The following VRK2 variants were observed in gnomAD, a reference collection of about 807,000 sequenced individuals.
VRK2 encodes serine/threonine-protein kinase VRK2.
VRK2 carries 60 observed loss-of-function variants against 57.6 expected under a neutral mutation model. That is an observed-to-expected ratio of 1.04 (90% CI 0.85 to 1.29). VRK2 has a LOEUF of 1.29. Ranked by LOEUF, VRK2 falls within the 50% of genes most tolerant of loss-of-function variation. The probability of loss-of-function intolerance (pLI) is 0.00; values close to 1 mark genes in which losing one functional copy is unlikely to be tolerated. For missense variants in VRK2, 705 were observed against 588.1 expected, an observed-to-expected ratio of 1.20 and a Z score of -2.06; for synonymous variants, 231 against 199.2, an observed-to-expected ratio of 1.16 and a Z score of -1.35.
intron 1 of VRK2, among the ~76,000 whole-genome samples, chr2:58,002,691 G>T (rs1484286934): frequency 6.6e-6 from 1 of 152,168 alleles, no homozygotes; most frequent in Non-Finnish European, 1.5e-5. Flanking sequence ...CGAGGGAAAA[G>T]AATTGGTCCA....
chr2:58,144,599 G>A (rs1341504209), intron 11 of VRK2, among the ~76,000 whole-genome samples: 1 of 151,968 alleles, frequency 6.6e-6, no homozygotes. Flanking sequence ...GTAAGCCAAT[G>A]TTTTAATAGG....
At chr2:58,051,478 T>C (rs1675736248) in intron 2 of VRK2, among the ~76,000 whole-genome samples, 1 of 152,214 alleles carries the variant, frequency 6.6e-6, no homozygotes, top group Non-Finnish European at 1.5e-5. Flanking sequence ...CAAATCAATA[T>C]GAAATTACAT....
intron 10 of VRK2, among the ~76,000 whole-genome samples, chr2:58,135,542 CCT>C (rs1443031535): frequency 6.7e-6 from 1 of 149,362 alleles, no homozygotes; most frequent in Non-Finnish European, 1.5e-5. Flanking sequence ...TGGTTTTGTT[CCT>C]CTATATATTG....
intron 1 of VRK2, among the ~76,000 whole-genome samples, chr2:58,002,853 T>G (rs750115239): frequency 1.1e-4 from 16 of 152,216 alleles, no homozygotes; most frequent in Non-Finnish European, 1.5e-4. Flanking sequence ...ATGCTTCATT[T>G]TGTGTTTGGA....
chr2:58,006,830 C>T (rs187851656), intron 1 of VRK2, among the ~76,000 whole-genome samples: 294 of 152,140 alleles, frequency 1.9e-3, no homozygotes, highest in Non-Finnish European at 3.4e-3. Flanking sequence ...TTGACCTTTA[C>T]GGACAGAAAA....
chr2:58,088,201 G>T, intron 5 of VRK2, 140 bp from the exon 6 acceptor site: 2 of 636,614 alleles, frequency 3.1e-6, no homozygotes, highest in East Asian at 2.6e-5. Context: ...AATTATGAAC[G>T]TGCATTCATT....
intron 2 of VRK2, among the ~76,000 whole-genome samples, chr2:58,027,569 G>A (rs1007040816): frequency 7.2e-5 from 11 of 152,140 alleles, no homozygotes; most frequent in African/African-American, 2.7e-4. Flanking sequence ...GGGCTTGGTG[G>A]ATTGGTGGAA....
chr2:58,103,903 A>G (rs375530803), intron 7 of VRK2, among the ~76,000 whole-genome samples: 1 of 151,894 alleles, frequency 6.6e-6, no homozygotes, highest in Non-Finnish European at 1.5e-5. Context: ...ACCATGATCA[A>G]ATAGGTTTCA....
chr2:58,041,203 T>C, intron 3 of VRK2: 1 of 295,956 alleles, frequency 3.4e-6, no homozygotes, highest in Non-Finnish European at 5.0e-6. Flanking sequence ...TACATTCAAT[T>C]GTTTGAGAGA....
intron 1 of VRK2, among the ~76,000 whole-genome samples, chr2:57,974,397 T>C (rs1467946111): frequency 1.3e-5 from 2 of 151,898 alleles, no homozygotes; most frequent in Non-Finnish European, 2.9e-5. Context: ...ACTTTTAAAG[T>C]ATATATGGGA....
chr2:57,950,355 T>A (rs1386058398), intron 1 of VRK2, among the ~76,000 whole-genome samples: 1 of 152,218 alleles, frequency 6.6e-6, no homozygotes, highest in Non-Finnish European at 1.5e-5. Context: ...TCAGAGCCAA[T>A]GCTCACTTAC....
At chr2:58,144,428 A>G (rs1681810215) in intron 11 of VRK2, among the ~76,000 whole-genome samples, 1 of 152,000 alleles carries the variant, frequency 6.6e-6, no homozygotes, top group Non-Finnish European at 1.5e-5. Context: ...ACGTGAGGTG[A>G]TGTGTTAATA....
intron 1 of VRK2, among the ~76,000 whole-genome samples, chr2:57,961,824 C>T (rs972977696): frequency 1.3e-5 from 2 of 152,270 alleles, no homozygotes; most frequent in South Asian, 2.1e-4. Flanking sequence ...CGCCTCTAAT[C>T]CCAGCAGTTT....
intron 12 of VRK2, among the ~76,000 whole-genome samples, chr2:58,149,996 CT>C (rs55783668): frequency 0.58 from 63,205 of 108,186 alleles, 15,009 homozygotes; most frequent in African/African-American, 0.61. Flanking sequence ...TTTTTCTTTT[CT>C]TTTTTTTTTT....
At chr2:58,040,409 T>G (rs908873197) in intron 3 of VRK2, among the ~76,000 whole-genome samples, 1 of 152,200 alleles carries the variant, frequency 6.6e-6, no homozygotes, top group East Asian at 1.9e-4. Flanking sequence ...TATCTTTCAC[T>G]TGTCGTGTCC....
intron 1 of VRK2, among the ~76,000 whole-genome samples, chr2:57,953,172 C>T (rs1466835463): frequency 6.6e-6 from 1 of 152,198 alleles, no homozygotes; most frequent in Admixed American, 6.5e-5. Context: ...TACATATTTA[C>T]TTTCCCATCT....
At chr2:58,031,038 C>G (rs1558549612) in intron 2 of VRK2, among the ~76,000 whole-genome samples, 1 of 152,162 alleles carries the variant, frequency 6.6e-6, no homozygotes, top group East Asian at 1.9e-4. Context: ...AGCATGCACA[C>G]CTTCTCAAAG....
chr2:58,018,186 T>G (rs982422346), intron 1 of VRK2: 1 of 152,026 alleles, frequency 6.6e-6, no homozygotes, highest in Non-Finnish European at 1.5e-5. Flanking sequence ...AGAGACAGGG[T>G]TTCACCACGT....
At position 57,938,228 on chromosome 2, in the gene VRK2, A is replaced by T. The variant is rs373973292; in HGVS notation, c.-439+30389A>T. On this transcript the variant is annotated intron_variant, in intron 1 of 15. Transcript: ENST00000417641. ...TTTATCTTTCTCTAGACCCTAGCAC[A>T]CACTGCCTTCTCTATAACATAATAA... 2.0e-4 allele frequency among the ~76,000 whole-genome samples: 31 copies of T among 152,314 alleles called. No homozygotes were observed. In the East Asian group the frequency reaches 3.7e-3, roughly 18 times the overall value.
Sources: allele counts gnomAD v4.1 joint callset (sites outside exome capture counted in the v4.1 genomes callset), GRCh38; gene constraint gnomAD v4.1.1; transcripts MANE v1.5; gene names NCBI Gene and HGNC (gene_info 2026-07-23, HGNC 2026-07-21).